The following TRIM10 variants were observed in gnomAD, a reference collection of about 807,000 sequenced individuals.
TRIM10 encodes tripartite motif-containing protein 10.
In TRIM10, 42 loss-of-function variants were observed where a neutral mutation model predicts 40.0. The observed-to-expected ratio is 1.05, with a 90% CI of 0.82 to 1.36. The LOEUF (loss-of-function observed/expected upper bound fraction) is 1.36, where lower values mean the gene tolerates loss of function less well. TRIM10 is among the 40% of genes most tolerant of loss of function. TRIM10 has a pLI of 0.00. For missense variants in TRIM10, 601 were observed against 608.3 expected, an observed-to-expected ratio of 0.99 and a Z score of 0.13; for synonymous variants, 260 against 239.5, an observed-to-expected ratio of 1.09 and a Z score of -0.79.
In TRIM10 at chr6:30,160,504, C is replaced by A. The variant is rs17194446; in HGVS notation, c.355G>T (p.Val119Leu). ...TGCTCCCCAGCCTCCCGGCACACCA[C>A]GCACAACTGCATCTCATCATCCTCA... Reference protein sequence around the residue: ...FCEDDEMQLCVVCREAGEHAT... With the variant: ...FCEDDEMQLCLVCREAGEHAT... Residue 119 changes from valine to leucine, a missense_variant, in exon 1 of 7, where the codon GTG becomes TTG. Physicochemically the swap from Val to Leu is conservative, Grantham distance 32. Transcript: ENST00000449742. The A allele has an allele frequency of 2.5e-6, 4 of 1,614,112 alleles. No homozygotes were observed. The highest frequency in any genetic ancestry group is 3.4e-6 in the Non-Finnish European group (4 of 1,180,052).
chr6:30,163,904 C>CCCCT, upstream of TRIM10: 1 of 1,613,086 alleles, frequency 6.2e-7, no homozygotes, highest in South Asian at 1.1e-5. Context: ...GGCCCCTGTG[C>CCCCT]CCCTGGGCCC....
rs1466584965 is a variant in TRIM10, at chr6:30,157,036, G to A, written c.798C>T (p.Cys266=). 1 of 1,612,888 alleles carries A rather than the reference G, an allele frequency of 6.2e-7. No individual in the cohort carries two copies. The highest frequency in any genetic ancestry group is 2.2e-5 in the East Asian group (1 of 44,882). The part of the protein sequence containing the change: ...STLIRCETRK[C]RKPVAVSPEL... ...CTGGCGACACAGCCACCGGTTTCCG[G>A]CACTTTCTGGTTTCACATCTAGGGG... is the stretch of plus-strand genomic sequence containing the variant. Residue 266 remains cysteine, a synonymous_variant, in exon 5 of 7, where the codon TGC becomes TGT. Coordinates refer to ENST00000449742, the MANE Select transcript of TRIM10 (RefSeq NM_006778.4).
rs923986659 is a variant in TRIM10 at position 30,159,055 on chromosome 6, T to C, written c.525+95A>G. On this transcript the variant is annotated intron_variant, in intron 2 of 6. Coordinates refer to ENST00000449742, the MANE Select transcript of TRIM10 (RefSeq NM_006778.4). Reference sequence around the variant, plus strand: ...TCAGAGTCAGGATTTAAACTCATAATAACTTCAAAGCCCTATAATCTATGT... The same window carrying C: ...TCAGAGTCAGGATTTAAACTCATAACAACTTCAAAGCCCTATAATCTATGT... 7 of 798,240 alleles carry C rather than the reference T, an allele frequency of 8.8e-6. No homozygotes were observed. In the African/African-American group the frequency reaches 1.2e-4, roughly 14 times the overall value. The allele number at this position is 798,240 out of a possible 1,614,324, so 49.4% of individuals were successfully genotyped here.
intron 1 of TRIM10, 97 bp downstream of exon 1, chr6:30,160,333 G>C: frequency 7.4e-7 from 1 of 1,349,202 alleles, no homozygotes; most frequent in Non-Finnish European, 1.0e-6. Flanking sequence ...TAAGGAGAAA[G>C]AATTTGGCCT....
In TRIM10 at chr6:30,155,706, AT is replaced by A; in HGVS notation, c.928+20del. The A allele has an allele frequency of 6.2e-7, 1 of 1,613,042 alleles. No homozygotes were observed. The highest frequency in any genetic ancestry group is 8.5e-7 in the Non-Finnish European group (1 of 1,179,572). ...TTCCGAGGACTTCTCATTCTCTCCC[AT>A]CCTGACATAGGCTCCTTACCTGGCT... On this transcript the variant is annotated intron_variant, in intron 6 of 6. Transcript: ENST00000449742.
chr6:30,155,817 T>C (rs2127438925), intron 5 of TRIM10, 58 bp from the exon 6 acceptor site: 1 of 1,555,632 alleles, frequency 6.4e-7, no homozygotes, highest in South Asian at 1.1e-5. Flanking sequence ...CATCAGACAC[T>C]TAATGATGAG....
Position 30,154,241 on chromosome 6 carries a change from C to G in TRIM10, c.1174G>C (p.Gly392Arg). ...GVVSEDVQRK[G>R]ELRLRPEEGV... is the part of the protein sequence containing the mutation. ...TCCTCTGGCCGCAGCCGAAGCTCCCCCTTCCGCTGCACATCCTCGCTCACC... is the reference window on the plus strand; with the variant it reads ...TCCTCTGGCCGCAGCCGAAGCTCCCGCTTCCGCTGCACATCCTCGCTCACC... Residue 392 changes from glycine (G) to arginine (R), a missense_variant, in exon 7 of 7, where the codon GGG becomes CGG. Physicochemically the swap from Gly to Arg is moderately radical, Grantham distance 125. Coordinates refer to ENST00000449742, the MANE Select transcript of TRIM10 (RefSeq NM_006778.4). The G allele has an allele frequency of 6.2e-7, 1 of 1,613,014 alleles. No homozygotes were observed. The highest frequency in any genetic ancestry group is 1.1e-5 in the South Asian group (1 of 91,066).
intron 3 of TRIM10, among the ~76,000 whole-genome samples, chr6:30,158,111 C>G (rs1305208356): frequency 6.6e-6 from 1 of 152,224 alleles, no homozygotes; most frequent in Non-Finnish European, 1.5e-5. Context: ...GTGCTACTTT[C>G]ACTTCCATCT....
At position 30,154,005 on chromosome 6, in the gene TRIM10, G is replaced by A; in HGVS notation, c.1410C>T (p.Leu470=). Residue 470 remains leucine (L), a synonymous_variant, in exon 7 of 7, where the codon CTC becomes CTT. Coordinates refer to ENST00000449742, the MANE Select transcript of TRIM10 (RefSeq NM_006778.4). The part of the protein sequence containing the change: ...FTRKVIPFFG[L]WGRGSSFSLS... ...GGGAGAAACTGGACCCTCGGCCCCA[G>A]AGCCCAAAGAAGGGAATGACCTTCC... 1.2e-6 allele frequency: 2 copies of A among 1,606,832 alleles called. No homozygotes were observed. Among genetic ancestry groups the A allele is most frequent in the Non-Finnish European group, 1.7e-6 (2 of 1,174,934 alleles).
intron 1 of TRIM10, among the ~76,000 whole-genome samples, chr6:30,159,655 G>C (rs1196125237): frequency 2.6e-5 from 4 of 152,136 alleles, no homozygotes; most frequent in Admixed American, 6.5e-5. Flanking sequence ...ACCCTCCCTT[G>C]TTACTGAAAT....
rs538188874 is a variant in TRIM10, at chr6:30,159,304, G to A, written c.430-59C>T. ...AAAATGATTTGTTCAGGTTTGTCTG[G>A]TCATCTGACCCTCTGCCTCCAGGAA... is the stretch of plus-strand genomic sequence containing the variant. On this transcript the variant is annotated intron_variant, in intron 1 of 6. Transcript: ENST00000449742. The A allele has an allele frequency of 1.7e-5, 21 of 1,240,238 alleles. No homozygotes were observed. In the East Asian group the frequency reaches 2.8e-4, roughly 16 times the overall value. 76.8% of individuals were successfully genotyped at this position (1,240,238 alleles called of 1,614,324 possible). A position where few individuals can be genotyped will look rare whatever the true frequency, so the allele number is the denominator to read the frequency against.
rs2022065 is a variant in TRIM10, at chr6:30,153,683, C to T, written c.*286G>A. Reference sequence around the variant, plus strand: ...GGTCTTCTGACTTCAAATCCAGTGCCCTTTCTATGCAGCTACTTCTGTGCC... The same window carrying T: ...GGTCTTCTGACTTCAAATCCAGTGCTCTTTCTATGCAGCTACTTCTGTGCC... On this transcript the variant is annotated 3_prime_UTR_variant, in exon 7 of 7. Transcript: ENST00000449742. The T allele has an allele frequency of 0.29, 469,332 of 1,608,622 alleles. 70,894 individuals are homozygous for T. The highest frequency in any genetic ancestry group is 0.33 in the East Asian group (14,889 of 44,796).
Position 30,153,881 on chromosome 6 carries a change from C to A in TRIM10, c.*88G>T. On this transcript the variant is annotated 3_prime_UTR_variant, in exon 7 of 7. Coordinates refer to ENST00000449742, the MANE Select transcript of TRIM10 (RefSeq NM_006778.4). ...AGCAGTCATTTCTATTCCAAGTCAT[C>A]CAGGTGATTCAGCCAGGGATCAAGT... 1 of 1,590,938 alleles carries A rather than the reference C, an allele frequency of 6.3e-7. No individual in the cohort carries two copies. The highest frequency in any genetic ancestry group is 8.6e-7 in the Non-Finnish European group (1 of 1,166,428).
rs1465112964 is a variant in TRIM10, at chr6:30,158,586, G to C, written c.569C>G (p.Ala190Gly). 1 of 1,613,016 alleles carries C rather than the reference G, an allele frequency of 6.2e-7. No homozygotes were observed. The highest frequency in any genetic ancestry group is 8.5e-7 in the Non-Finnish European group (1 of 1,180,030). The part of the protein sequence containing the change: ...TKRQQVISEF[A>G]HLRKFLEEQQ... ...TTCCTCTAGAAACTTCCTCAGGTGT[G>C]CGAACTCAGAAATCACCTGTTGTCT... Residue 190 changes from alanine to glycine, a missense_variant, in exon 3 of 7, where the codon GCA becomes GGA. Ala to Gly is a moderately conservative substitution (Grantham distance 60). Coordinates refer to ENST00000449742, the MANE Select transcript of TRIM10 (RefSeq NM_006778.4).
chr6:30,153,895 C>T lies in TRIM10; in HGVS notation c.*74G>A. ...TTCCAAGTCATCCAGGTGATTCAGCCAGGGATCAAGTCCACATGGTACTTG... is the reference window on the plus strand; with the variant it reads ...TTCCAAGTCATCCAGGTGATTCAGCTAGGGATCAAGTCCACATGGTACTTG... On this transcript the variant is annotated 3_prime_UTR_variant, in exon 7 of 7. Coordinates refer to ENST00000449742, the MANE Select transcript of TRIM10 (RefSeq NM_006778.4). 1.3e-6 allele frequency: 2 copies of T among 1,585,982 alleles called. No homozygotes were observed. The highest frequency in any genetic ancestry group is 2.3e-5 in the South Asian group (2 of 86,620).
At position 30,160,434 on chromosome 6, in the gene TRIM10, T is replaced by C. The variant is rs774057703; in HGVS notation, c.425A>G (p.Tyr142Cys). ...MRFLEDAAAP[Y>C]REQIHKCLKC... ...CCCCCAGTTCCCCTTTCCTACCCTA[T>C]AGGGAGCCGCTGCATCCTCCAGGAA... The change falls in exon 1 of 7, where the codon TAT (tyrosine) becomes TGT (cysteine). Residue 142 changes from tyrosine (Y) to cysteine (C), a missense_variant. By Grantham distance (194) the Tyr-to-Cys change is radical (BLOSUM62 -2). Transcript: ENST00000449742. 1.9e-5 allele frequency: 30 copies of C among 1,613,366 alleles called. No homozygotes were observed. The highest frequency in any genetic ancestry group is 6.7e-5 in the Admixed American group (4 of 60,000).
At chr6:30,155,246 C>T (rs533695505) in intron 6 of TRIM10, among the ~76,000 whole-genome samples, 1 of 152,146 alleles carries the variant, frequency 6.6e-6, no homozygotes, top group South Asian at 2.1e-4. Context: ...ATTTTTTTCC[C>T]ACCCACAGGC....
At chr6:30,156,691 C>G (rs559914532) in intron 5 of TRIM10, 1 of 607,760 alleles carries the variant, frequency 1.6e-6, no homozygotes, top group East Asian at 2.9e-5. Flanking sequence ...GACCACTAAT[C>G]AGATTTGTTG....
upstream of TRIM10, chr6:30,163,810 G>C (rs769109289): frequency 6.2e-7 from 1 of 1,612,988 alleles, no homozygotes; most frequent in Admixed American, 1.7e-5. Flanking sequence ...GCCTCCCCGC[G>C]CTCTCCCAGA....
Sources: allele counts gnomAD v4.1 joint callset (sites outside exome capture counted in the v4.1 genomes callset), GRCh38; gene constraint gnomAD v4.1.1; transcripts MANE v1.5; gene names NCBI Gene and HGNC (gene_info 2026-07-23, HGNC 2026-07-21).